The following DLGAP2 variants were observed in gnomAD, a reference collection of about 807,000 sequenced individuals.
DLGAP2 encodes DLG associated protein 2.
In DLGAP2, 26 loss-of-function variants were observed where a neutral mutation model predicts 100.3. The ratio of observed to expected loss-of-function variants is 0.26; its 90% confidence interval spans 0.19 to 0.36. The LOEUF (loss-of-function observed/expected upper bound fraction) is 0.36. DLGAP2 is among the 10% of genes least tolerant of loss of function. The probability of loss-of-function intolerance (pLI) is 1.00; values close to 1 mark genes in which losing one functional copy is unlikely to be tolerated. For synonymous variants in DLGAP2, 886 were observed against 630.1 expected (o/e 1.41, Z -6.08); for missense variants, 1,858 against 1,453.2 (o/e 1.28, Z -4.53).
intron 4 of DLGAP2, among the ~76,000 whole-genome samples, chr8:1,512,094 C>T (rs1800186882): frequency 6.6e-6 from 1 of 152,206 alleles, no homozygotes; most frequent in Non-Finnish European, 1.5e-5. Context: ...GTAGGCAGGG[C>T]TGAGGGCCGA....
At chr8:1,066,644 G>T (rs1803263759) in intron 2 of DLGAP2, among the ~76,000 whole-genome samples, 1 of 152,042 alleles carries the variant, frequency 6.6e-6, no homozygotes, top group Admixed American at 6.5e-5. Flanking sequence ...AGTGAGGACA[G>T]TTCCCCACCA....
chr8:763,440 T>TAGAAGTTGTTA (rs954427837), intron 1 of DLGAP2, among the ~76,000 whole-genome samples: 2 of 152,244 alleles, frequency 1.3e-5, no homozygotes, highest in Non-Finnish European at 2.9e-5. Context: ...CTTCTGCTGT[T>TAGAAGTTGTTA]AGAAGTTGTT....
chr8:1,414,103 A>T (rs10109491), intron 3 of DLGAP2, among the ~76,000 whole-genome samples: 55,337 of 152,078 alleles, frequency 0.36, 10,677 homozygotes, highest in East Asian at 0.6. Flanking sequence ...TTTCAAGGTC[A>T]GTAAAGTCAG....
intron 3 of DLGAP2, among the ~76,000 whole-genome samples, chr8:1,468,320 C>T (rs527981872): frequency 3.2e-4 from 48 of 151,526 alleles, no homozygotes; most frequent in African/African-American, 1.1e-3. Context: ...CTGAGAACCT[C>T]GCCTGTTCAC....
chr8:1,056,064 A>G (rs552498380), intron 2 of DLGAP2, among the ~76,000 whole-genome samples: 107 of 152,340 alleles, frequency 7.0e-4, no homozygotes, highest in African/African-American at 1.8e-3. Context: ...CCAGGTAGCA[A>G]TATTTCACCA....
At chr8:1,352,917 G>A (rs1801768530) in intron 3 of DLGAP2, among the ~76,000 whole-genome samples, 1 of 152,182 alleles carries the variant, frequency 6.6e-6, no homozygotes, top group Non-Finnish European at 1.5e-5. Flanking sequence ...CGGTCTTCCA[G>A]CTCAGCCTGC....
rs1800595561 is a variant in DLGAP2, at chr8:989,598, C to G, written c.73+81632C>G. On this transcript the variant is annotated intron_variant, in intron 2 of 14. Coordinates refer to ENST00000637795, the MANE Select transcript of DLGAP2 (RefSeq NM_001346810.2). ...GCTCTTCCTGCCCTGGGGTCAGGCT[C>G]TTAACTGTGTTGAAAGGTAGACATT... Among the ~76,000 whole-genome samples, 4 of 152,114 alleles carry G rather than the reference C, an allele frequency of 2.6e-5. No individual in the cohort carries two copies. The South Asian group carries it at 8.3e-4, about 32-fold the overall frequency.
At chr8:1,448,510 T>C (rs1798045031) in intron 3 of DLGAP2, among the ~76,000 whole-genome samples, 1 of 152,196 alleles carries the variant, frequency 6.6e-6, no homozygotes, top group Admixed American at 6.5e-5. Context: ...CTTCCAACTA[T>C]GTGGTCAATT....
chr8:1,334,632 A>G (rs1407745301), intron 3 of DLGAP2, among the ~76,000 whole-genome samples: 1 of 152,006 alleles, frequency 6.6e-6, no homozygotes, highest in East Asian at 1.9e-4. Context: ...TGGGCCATGC[A>G]TGGACTCCGG....
chr8:1,188,541 A>G (rs1038034156), intron 2 of DLGAP2, among the ~76,000 whole-genome samples: 2 of 149,620 alleles, frequency 1.3e-5, no homozygotes, highest in African/African-American at 5.0e-5. Context: ...CCCTCACGGA[A>G]TCTCAGACGC....
chr8:1,439,130 T>C (rs977636884), intron 3 of DLGAP2, among the ~76,000 whole-genome samples: 1 of 152,090 alleles, frequency 6.6e-6, no homozygotes, highest in African/African-American at 2.4e-5. Context: ...CCTAATGATT[T>C]ATGGAGCCAC....
intron 6 of DLGAP2, among the ~76,000 whole-genome samples, chr8:1,605,792 C>T (rs540814685): frequency 8.8e-4 from 134 of 152,296 alleles, no homozygotes; most frequent in African/African-American, 3.1e-3. Context: ...GACTCATTTC[C>T]GTGTTTGTCT....
chr8:1,191,235 G>T (rs1291603563), intron 2 of DLGAP2, among the ~76,000 whole-genome samples: 1 of 63,252 alleles, frequency 1.6e-5, no homozygotes, highest in Non-Finnish European at 4.2e-5. Flanking sequence ...ACAGTGGCGC[G>T]ATCTCGGCTC....
At chr8:1,322,200 C>T (rs1484170572) in intron 3 of DLGAP2, among the ~76,000 whole-genome samples, 1 of 152,100 alleles carries the variant, frequency 6.6e-6, no homozygotes, top group Non-Finnish European at 1.5e-5. Flanking sequence ...ATTAATTAGC[C>T]ACTAAATATT....
chr8:944,763 C>T (rs995064374), intron 2 of DLGAP2, among the ~76,000 whole-genome samples: 9 of 151,580 alleles, frequency 5.9e-5, no homozygotes, highest in African/African-American at 2.2e-4. Context: ...TGGGTGGTAA[C>T]TGATCCATGT....
chr8:946,618 G>T (rs1799333856), intron 2 of DLGAP2, among the ~76,000 whole-genome samples: 1 of 152,152 alleles, frequency 6.6e-6, no homozygotes, highest in Admixed American at 6.5e-5. Context: ...CTAGATAGGG[G>T]TTCTTTCTGT....
intron 1 of DLGAP2, among the ~76,000 whole-genome samples, chr8:886,241 T>A (rs1376103418): frequency 1.3e-5 from 2 of 152,212 alleles, no homozygotes; most frequent in Admixed American, 6.5e-5. Context: ...AGGTCATTTT[T>A]TATTGTGTCT....
rs191265125 is a variant in DLGAP2 at position 1,634,452 on chromosome 8, G to A, written c.1810+1406G>A. ...AACACATCCCCCAGGTGCAGCCACCGGGCAGCTGTGGGCACCCTGCGTAGC... is the reference window on the plus strand; with the variant it reads ...AACACATCCCCCAGGTGCAGCCACCAGGCAGCTGTGGGCACCCTGCGTAGC... On this transcript the variant is annotated intron_variant, in intron 8 of 14. Coordinates refer to ENST00000637795, the MANE Select transcript of DLGAP2 (RefSeq NM_001346810.2). Among the ~76,000 whole-genome samples the A allele has an allele frequency of 3.9e-3, 591 of 152,252 alleles. 4 individuals are homozygous for A. Among genetic ancestry groups the A allele is most frequent in the African/African-American group, 0.014 (570 of 41,552 alleles).
At chr8:1,298,975 C>T (rs559535083) in intron 3 of DLGAP2, among the ~76,000 whole-genome samples, 6 of 152,196 alleles carry the variant, frequency 3.9e-5, no homozygotes, top group South Asian at 4.2e-4. Context: ...CTCAGTGGCT[C>T]GTGCTGAATG....
Sources: gnomAD v4.1 joint callset for allele counts (sites outside exome capture counted in the v4.1 genomes callset) on GRCh38, gnomAD v4.1.1 for gene constraint, MANE v1.5 for transcripts, NCBI Gene and HGNC (gene_info 2026-07-23, HGNC 2026-07-21) for gene names.